KCNH6: variants seen among roughly 807,000 people sequenced by gnomAD.
KCNH6 encodes the protein potassium voltage-gated channel subfamily H member 6, also known as voltage-gated inwardly rectifying potassium channel KCNH6.
Under a neutral mutation model 83.4 loss-of-function variants are expected in KCNH6, and 81 were observed. That is an observed-to-expected ratio of 0.97 (90% CI 0.81 to 1.17). The LOEUF (loss-of-function observed/expected upper bound fraction) is 1.17, where lower values mean the gene tolerates loss of function less well. Among genes scored for constraint, KCNH6 ranks in the 50% most tolerant of loss-of-function variants. KCNH6 has a pLI of 0.00. For synonymous variants in KCNH6, 503 were observed against 545.6 expected, an observed-to-expected ratio of 0.92 and a Z score of 1.09; for missense variants, 1,203 against 1,290.5, an observed-to-expected ratio of 0.93 and a Z score of 1.04.
intron 6 of KCNH6, among the ~76,000 whole-genome samples, chr17:63,537,059 A>G (rs2032550628): frequency 1.3e-5 from 2 of 151,842 alleles, no homozygotes; most frequent in Non-Finnish European, 2.9e-5. Flanking sequence ...CATGGGTTGT[A>G]CACATGAAGC....
intron 8 of KCNH6, among the ~76,000 whole-genome samples, chr17:63,539,001 C>T (rs1249298845): frequency 1.3e-5 from 2 of 152,110 alleles, no homozygotes; most frequent in Non-Finnish European, 2.9e-5. Context: ...GGAGAAAGGC[C>T]AAGGGTCTTT....
intron 9 of KCNH6, 34 bp from the exon 10 acceptor site, chr17:63,543,542 G>A: frequency 7.1e-7 from 1 of 1,410,734 alleles, no homozygotes; most frequent in Non-Finnish European, 1.0e-6. Flanking sequence ...CCCAGCTTTG[G>A]TTCCTGTTAT....
In KCNH6 at chr17:63,545,116, T is replaced by C. The variant is rs755068875; in HGVS notation, c.2435T>C (p.Leu812Ser). 98 of 1,613,656 alleles carry C rather than the reference T, an allele frequency of 6.1e-5. No individual in the cohort carries two copies. The highest frequency in any genetic ancestry group is 8.2e-5 in the Non-Finnish European group (97 of 1,180,024). Residue 812 changes from leucine (L) to serine (S), a missense_variant, in exon 12 of 13, where the codon TTG becomes TCG. By Grantham distance (145) the Leu-to-Ser change is moderately radical. Transcript: ENST00000314672. ...SRVSSDLSRI[L>S]QLLQKPMPQG... ...GTGTCCTCAGACCTCAGCCGCATCT[T>C]GCAGCTCCTCCAGAAGCCCATGCCC...
At chr17:63,539,303 C>T (rs2032726347) in intron 8 of KCNH6, among the ~76,000 whole-genome samples, 2 of 152,172 alleles carry the variant, frequency 1.3e-5, no homozygotes, top group African/African-American at 4.8e-5. Flanking sequence ...CCTCCAGCCC[C>T]TCTGGACAGG....
intron 10 of KCNH6, chr17:63,544,023 G>T (rs1568088623): frequency 6.4e-7 from 1 of 1,555,524 alleles, no homozygotes; most frequent in South Asian, 1.2e-5. Context: ...GTCTCCCCAT[G>T]AGCTGGGGCC....
intron 10 of KCNH6, 37 bp downstream of exon 10, chr17:63,543,697 G>GCCCCTGCCCAGCCTCCTA: frequency 1.5e-6 from 2 of 1,306,816 alleles, no homozygotes; most frequent in South Asian, 1.2e-5. Context: ...CCAGCCTGTA[G>GCCCCTGCCCAGCCTCCTA]CCCCTGCCCA....
downstream of KCNH6, chr17:63,548,816 C>T (rs899123903): frequency 6.6e-6 from 1 of 152,066 alleles, no homozygotes; most frequent in Non-Finnish European, 1.5e-5. Context: ...TTTCCTTTAG[C>T]TGGGCATGGT....
chr17:63,548,659 AAG>A (rs1251648632), downstream of KCNH6: 7 of 152,346 alleles, frequency 4.6e-5, no homozygotes, highest in Middle Eastern at 3.4e-3. Context: ...TACGTCATAA[AAG>A]AGAAAATTTC....
chr17:63,531,953 A>T (rs530152132), intron 4 of KCNH6, among the ~76,000 whole-genome samples: 1 of 152,200 alleles, frequency 6.6e-6, no homozygotes, highest in Non-Finnish European at 1.5e-5. Context: ...GAGGACCCAG[A>T]TCAGGGAAGT....
intron 6 of KCNH6, 143 bp from the exon 7 acceptor site, chr17:63,537,922 C>A (rs2032601088): frequency 9.2e-6 from 7 of 758,930 alleles, no homozygotes; most frequent in South Asian, 1.7e-5. Context: ...TGTGCCCTGG[C>A]GCTGTCCTGG....
In KCNH6 at chr17:63,546,598, G is replaced by A. The variant is rs1241714666; in HGVS notation, c.*696G>A. On this transcript the variant is annotated 3_prime_UTR_variant, in exon 13 of 13. Transcript: ENST00000314672. Reference sequence around the variant, plus strand: ...ATGAGCCTCTGACCTGGCTGGAGATGGAGGTATGTTCTGTGGCAGACATGT... The same window carrying A: ...ATGAGCCTCTGACCTGGCTGGAGATAGAGGTATGTTCTGTGGCAGACATGT... 1 of 152,534 alleles carries A rather than the reference G, an allele frequency of 6.6e-6. No homozygotes were observed. The highest frequency in any genetic ancestry group is 6.5e-5 in the Admixed American group (1 of 15,308). The allele number at this position is 152,534 out of a possible 1,614,324, so 9.4% of individuals were successfully genotyped here. A position where few individuals can be genotyped will look rare whatever the true frequency, so the allele number is the denominator to read the frequency against.
In KCNH6 at chr17:63,530,399, A is replaced by G. The variant is rs1165205256; in HGVS notation, c.532A>G (p.Ile178Val). The G allele has an allele frequency of 1.2e-6, 2 of 1,614,228 alleles. No homozygotes were observed. Among genetic ancestry groups the G allele is most frequent in the Admixed American group, 3.3e-5 (2 of 60,028 alleles). ...PGTGRGKYRTISQIPQFTLNF... is the reference protein window; with the variant it reads ...PGTGRGKYRTVSQIPQFTLNF... ...CACAGGCAGGGGCAAGTACAGGACC[A>G]TCAGCCAGATCCCACAGTTCACGCT... is the stretch of plus-strand genomic sequence containing the variant. The change falls in exon 4 of 13, where the codon ATC becomes GTC. Residue 178 changes from isoleucine (I) to valine (V), a missense_variant. By Grantham distance (29) the Ile-to-Val change is conservative. Transcript: ENST00000314672.
chr17:63,526,647 T>C (rs1370343856), intron 2 of KCNH6, among the ~76,000 whole-genome samples: 2 of 152,074 alleles, frequency 1.3e-5, no homozygotes, highest in Non-Finnish European at 1.5e-5. Flanking sequence ...GTGATTTCTT[T>C]CCTCCTCGGG....
Position 63,536,658 on chromosome 17 carries a change from A to T in KCNH6, c.1501+590A>T, listed in dbSNP as rs189727746. Among the ~76,000 whole-genome samples, 1,346 of 151,516 alleles carry T rather than the reference A, an allele frequency of 8.9e-3. 10 individuals are homozygous for T. The highest frequency in any genetic ancestry group is 0.021 in the Admixed American group (319 of 15,230). Reference sequence around the variant, plus strand: ...GACTCCGTCTCAAAAAAGAAAAAAAAATTATTAAGAATTTTTCGCCAGGCA... The same window carrying T: ...GACTCCGTCTCAAAAAAGAAAAAAATATTATTAAGAATTTTTCGCCAGGCA... On this transcript the variant is annotated intron_variant, in intron 6 of 12. Coordinates refer to ENST00000314672, the MANE Select transcript of KCNH6 (RefSeq NM_001278919.2).
In KCNH6 at chr17:63,530,590, G is replaced by A. The variant is rs747586617; in HGVS notation, c.675+48G>A. ...GTGCAGAGCTGTGCCAGGCCTCCAG[G>A]GTCCCCTCCCAGGCTCTGGGCCCAG... is the stretch of plus-strand genomic sequence containing the variant. On this transcript the variant is annotated intron_variant, in intron 4 of 12. Transcript: ENST00000314672. 1.9e-6 allele frequency: 3 copies of A among 1,572,022 alleles called. No homozygotes were observed. In the South Asian group the frequency reaches 3.3e-5, roughly 17 times the overall value.
intron 2 of KCNH6, among the ~76,000 whole-genome samples, chr17:63,526,166 G>A (rs867545834): frequency 7.2e-5 from 11 of 152,224 alleles, no homozygotes; most frequent in Middle Eastern, 3.4e-3. Context: ...GGTGAAAATG[G>A]GAAATTGCCC....
Position 63,539,932 on chromosome 17 carries a change from G to A in KCNH6, c.1954+1270G>A, listed in dbSNP as rs993260929. Among the ~76,000 whole-genome samples the A allele has an allele frequency of 3.3e-5, 5 of 151,978 alleles. No homozygotes were observed. The East Asian group carries it at 7.7e-4, about 23-fold the overall frequency. On this transcript the variant is annotated intron_variant, in intron 8 of 12. Coordinates refer to ENST00000314672, the MANE Select transcript of KCNH6 (RefSeq NM_001278919.2). ...ATGGCATCCCCAGTTATCCCAATCC[G>A]ACCACCCTGTCCTACCACCCTCCCC... is the stretch of plus-strand genomic sequence containing the variant.
downstream of KCNH6, among the ~76,000 whole-genome samples, chr17:63,547,107 C>T (rs182056305): frequency 2.4e-3 from 361 of 152,236 alleles, no homozygotes; most frequent in African/African-American, 8.5e-3. Flanking sequence ...CTAAGACACC[C>T]AAACATGAGG....
chr17:63,547,938 CG>C (rs2033179704), downstream of KCNH6, among the ~76,000 whole-genome samples: 1 of 148,942 alleles, frequency 6.7e-6, no homozygotes, highest in African/African-American at 2.5e-5. Flanking sequence ...TACTCCAGCC[CG>C]GGTAACAGAG....
Sources: allele counts gnomAD v4.1 joint callset (sites outside exome capture counted in the v4.1 genomes callset), GRCh38; gene constraint gnomAD v4.1.1; transcripts MANE v1.5; gene names NCBI Gene and HGNC (gene_info 2026-07-23, HGNC 2026-07-21).